Variants in ADGRL2 observed in about 807,000 individuals in gnomAD.
The protein encoded by ADGRL2 is calcium-independent alpha-latrotoxin receptor 2.
Under a neutral mutation model 157.4 loss-of-function variants are expected in ADGRL2, and 44 were observed. That is an observed-to-expected ratio of 0.28 (90% confidence interval 0.22 to 0.36). ADGRL2 has a LOEUF of 0.36. Among genes scored for constraint, ADGRL2 ranks in the 10% least tolerant of loss-of-function variants. ADGRL2 has a pLI of 1.00. For synonymous variants in ADGRL2, 585 were observed against 624.7 expected (o/e 0.94, Z 0.95); for missense variants, 1,510 against 1,768.9 (o/e 0.85, Z 2.63).
At chr1:81,340,567 G>T (rs945635313) in intron 1 of ADGRL2, among the ~76,000 whole-genome samples, 2 of 152,024 alleles carry the variant, frequency 1.3e-5, no homozygotes, top group African/African-American at 2.4e-5. Flanking sequence ...ATTATCTATG[G>T]CCAAAACCAT....
chr1:81,414,821 T>A (rs1265326104), intron 1 of ADGRL2, among the ~76,000 whole-genome samples: 1 of 152,200 alleles, frequency 6.6e-6, no homozygotes. Flanking sequence ...TGTTAGGCAT[T>A]ATTGTCATTT....
rs2101597697 is a variant in ADGRL2 at position 81,428,150 on chromosome 1, T to C, written c.-301-16886T>C. Among the ~76,000 whole-genome samples the C allele has an allele frequency of 2.0e-5, 3 of 152,250 alleles. No homozygotes were observed. In the Middle Eastern group the frequency reaches 0.01, roughly 518 times the overall value. On this transcript the variant is annotated intron_variant, in intron 1 of 24. Transcript: ENST00000370721. ...TAAAGAAACATTTGCTGACTTGCAA[T>C]GTAAGGGGAATCTATTCTCCCCATT...
intron 4 of ADGRL2, among the ~76,000 whole-genome samples, chr1:81,937,566 C>G (rs974760151): frequency 2.0e-5 from 3 of 151,792 alleles, no homozygotes; most frequent in African/African-American, 7.2e-5. Context: ...AAAATCTTAG[C>G]ATTTTAGACA....
At chr1:81,646,625 C>T (rs1233028289) in intron 3 of ADGRL2, among the ~76,000 whole-genome samples, 4 of 152,204 alleles carry the variant, frequency 2.6e-5, no homozygotes, top group African/African-American at 7.2e-5. Flanking sequence ...CACGGTTGTA[C>T]ATTTATGGGT....
chr1:81,798,776 G>A (rs995486962), upstream of ADGRL2, among the ~76,000 whole-genome samples: 1 of 152,060 alleles, frequency 6.6e-6, no homozygotes, highest in Non-Finnish European at 1.5e-5. Flanking sequence ...ATAAGTAAAT[G>A]AGCCAACATA....
chr1:81,932,068 A>G lies in ADGRL2; in HGVS notation c.288-4660A>G, dbSNP rs77515642. ...AGCCACTTTATTAACATTTATTTGA[A>G]TAAGTAAGTCAAAGATTGAATATAG... On this transcript the variant is annotated intron_variant, in intron 3 of 23. Coordinates refer to ENST00000686636, the MANE Select transcript of ADGRL2 (RefSeq NM_001366006.2). 2.6e-3 allele frequency among the ~76,000 whole-genome samples: 399 copies of G among 152,310 alleles called. 8 individuals are homozygous for G. The East Asian group carries it at 0.034, about 13-fold the overall frequency.
At chr1:81,596,524 C>A (rs2081236483) in intron 3 of ADGRL2, 1 of 378,796 alleles carries the variant, frequency 2.6e-6, no homozygotes, top group Non-Finnish European at 5.2e-6. Context: ...GCGCGGCTCC[C>A]TGACCGACTT....
At chr1:81,532,577 AT>A (rs1469526038) in intron 2 of ADGRL2, among the ~76,000 whole-genome samples, 1 of 141,004 alleles carries the variant, frequency 7.1e-6, no homozygotes, top group East Asian at 2.1e-4. Context: ...TTTAGTGGTC[AT>A]TTTTTTATCA....
chr1:81,336,754 G>T (rs867246543), intron 1 of ADGRL2, among the ~76,000 whole-genome samples: 1 of 152,118 alleles, frequency 6.6e-6, no homozygotes, highest in Admixed American at 6.5e-5. Context: ...GGGTAGAAGA[G>T]GGCAGTCCCC....
At chr1:81,856,331 T>C (rs2093201326) in intron 2 of ADGRL2, among the ~76,000 whole-genome samples, 1 of 152,118 alleles carries the variant, frequency 6.6e-6, no homozygotes, top group African/African-American at 2.4e-5. Flanking sequence ...TTTCTCTAGC[T>C]CTGGAATTGC....
chr1:81,686,320 A>G (rs1183445643), intron 3 of ADGRL2, among the ~76,000 whole-genome samples: 4 of 151,974 alleles, frequency 2.6e-5, no homozygotes, highest in Non-Finnish European at 5.9e-5. Flanking sequence ...GCTGCTTGTT[A>G]TTGGTCTGTT....
chr1:81,733,634 A>G (rs1430409542), intron 1 of ADGRL2, among the ~76,000 whole-genome samples: 2 of 152,196 alleles, frequency 1.3e-5, no homozygotes, highest in Admixed American at 1.3e-4. Context: ...AAGTTAAGGT[A>G]TTAACATATG....
At chr1:81,458,128 C>T (rs2077844135) in intron 2 of ADGRL2, among the ~76,000 whole-genome samples, 2 of 152,130 alleles carry the variant, frequency 1.3e-5, no homozygotes, top group African/African-American at 4.8e-5. Context: ...TTGACAAACT[C>T]AGTAGTTATA....
At chr1:81,897,552 A>T (rs2094414294) in intron 2 of ADGRL2, among the ~76,000 whole-genome samples, 1 of 152,202 alleles carries the variant, frequency 6.6e-6, no homozygotes, top group Admixed American at 6.5e-5. Context: ...CTAGTAAGGA[A>T]TTTAACCCCA....
chr1:81,642,025 T>A (rs965361845), intron 3 of ADGRL2, among the ~76,000 whole-genome samples: 1 of 150,578 alleles, frequency 6.6e-6, no homozygotes, highest in Non-Finnish European at 1.5e-5. Flanking sequence ...ATTAAAAGGA[T>A]GATAAAAGAA....
At chr1:81,657,467 A>C (rs1477172807) in intron 3 of ADGRL2, among the ~76,000 whole-genome samples, 1 of 152,206 alleles carries the variant, frequency 6.6e-6, no homozygotes, top group African/African-American at 2.4e-5. Flanking sequence ...ATTTTGTTAT[A>C]GCAGCCCAAA....
chr1:81,785,083 C>T lies in ADGRL2; in HGVS notation c.-101+23231C>T, dbSNP rs368465517. ...TACGAAGGGGATCCAATCATATTTG[C>T]CAACATTAGTTTCCAGGTTGTACAG... On this transcript the variant is annotated intron_variant, in intron 2 of 20. Transcript: ENST00000359929. 1.4e-3 allele frequency among the ~76,000 whole-genome samples: 219 copies of T among 152,156 alleles called. 5 individuals carry two copies. The South Asian group carries it at 0.041, about 29-fold the overall frequency.
intron 3 of ADGRL2, among the ~76,000 whole-genome samples, chr1:81,650,749 A>AT (rs201816944): frequency 0.017 from 2,622 of 152,214 alleles, 41 homozygotes; most frequent in Admixed American, 0.052. Flanking sequence ...AATTTTTAAG[A>AT]TTTTTTACTT....
intron 1 of ADGRL2, among the ~76,000 whole-genome samples, chr1:81,368,694 C>G (rs4593872): frequency 1.3e-5 from 2 of 152,056 alleles, no homozygotes; most frequent in African/African-American, 4.8e-5. Context: ...GTTCTTCACA[C>G]TTTACACTGC....
Sources: allele counts gnomAD v4.1 joint callset (sites outside exome capture counted in the v4.1 genomes callset), GRCh38; gene constraint gnomAD v4.1.1; transcripts MANE v1.5; gene names NCBI Gene and HGNC (gene_info 2026-07-23, HGNC 2026-07-21).